SHPRH: variants seen among roughly 807,000 people sequenced by gnomAD.
The protein encoded by SHPRH is E3 ubiquitin-protein ligase SHPRH.
A neutral mutation model predicts 202.5 loss-of-function variants in SHPRH; 106 were observed. The observed-to-expected ratio is 0.52, with a 90% CI of 0.45 to 0.62. SHPRH has a LOEUF of 0.62. Ranked by LOEUF, SHPRH falls within the 20% of genes least tolerant of loss-of-function variation. The probability of loss-of-function intolerance (pLI) is 0.00; values close to 1 mark genes in which losing one functional copy is unlikely to be tolerated. For synonymous variants in SHPRH, 729 were observed against 686.0 expected, an observed-to-expected ratio of 1.06 and a Z score of -0.98; for missense variants, 1,710 against 2,020.0, an observed-to-expected ratio of 0.85 and a Z score of 2.94.
chr6:145,919,339 G>A lies in SHPRH; in HGVS notation c.4152+9C>T. 6.2e-7 allele frequency: 1 copy of A among 1,611,828 alleles called. No homozygotes were observed. Among genetic ancestry groups the A allele is most frequent in the Non-Finnish European group, 8.5e-7 (1 of 1,178,790 alleles). ...CTGTTCCCTTTTCTGTGATTTACTTGCCAATTACCTCATGTGGTTCAATGA... is the reference window on the plus strand; with the variant it reads ...CTGTTCCCTTTTCTGTGATTTACTTACCAATTACCTCATGTGGTTCAATGA... On this transcript the variant is annotated intron_variant, in intron 22 of 29. Coordinates refer to ENST00000275233, the MANE Select transcript of SHPRH (RefSeq NM_001042683.3).
At chr6:145,882,043 C>T (rs1278908323), downstream of SHPRH, among the ~76,000 whole-genome samples, 1 of 150,288 alleles carries the variant, frequency 6.7e-6, no homozygotes, top group Non-Finnish European at 1.5e-5. Flanking sequence ...CTGCAGTGAG[C>T]GGTCATGGCA....
intron 11 of SHPRH, among the ~76,000 whole-genome samples, chr6:145,938,278 T>C (rs1786338560): frequency 6.6e-6 from 1 of 152,150 alleles, no homozygotes; most frequent in Admixed American, 6.6e-5. Flanking sequence ...TGCTTCTCTC[T>C]ATCTCATGTA....
intron 2 of SHPRH, among the ~76,000 whole-genome samples, chr6:145,871,705 T>G (rs1007931808): frequency 1.3e-5 from 2 of 152,112 alleles, no homozygotes; most frequent in African/African-American, 2.4e-5. Flanking sequence ...ATTTTGAAAT[T>G]TATATGGAAC....
intron 5 of SHPRH, 147 bp from the exon 6 acceptor site, chr6:145,947,790 T>G: frequency 9.1e-7 from 1 of 1,092,930 alleles, no homozygotes; most frequent in Non-Finnish European, 1.3e-6. Context: ...AATTCAAACC[T>G]TAGATTACAA....
rs1780995154 is a variant in SHPRH, at chr6:145,886,223, C to T, written c.*468G>A. The T allele has an allele frequency of 4.7e-6, 2 of 426,760 alleles. No homozygotes were observed. The highest frequency in any genetic ancestry group is 4.3e-5 in the South Asian group (1 of 23,404). The allele number at this position is 426,760 out of a possible 1,614,324, so 26.4% of individuals were successfully genotyped here. A position where few individuals can be genotyped will look rare whatever the true frequency, so the allele number is the denominator to read the frequency against. On this transcript the variant is annotated 3_prime_UTR_variant, in exon 30 of 30. Transcript: ENST00000275233. ...ACTCAAAAAATGGGTTAATATAATTCACCATCTACTTAAAATATTACTAAC... is the reference window on the plus strand; with the variant it reads ...ACTCAAAAAATGGGTTAATATAATTTACCATCTACTTAAAATATTACTAAC...
chr6:145,928,279 G>T (rs952720463), intron 14 of SHPRH, among the ~76,000 whole-genome samples: 1 of 151,762 alleles, frequency 6.6e-6, no homozygotes, highest in Admixed American at 6.6e-5. Flanking sequence ...CATTTTTAAT[G>T]GCTTGAATAA....
At chr6:145,947,133 T>A (rs1182903520) in intron 6 of SHPRH, among the ~76,000 whole-genome samples, 2 of 152,066 alleles carry the variant, frequency 1.3e-5, no homozygotes, top group Non-Finnish European at 2.9e-5. Context: ...GAGATTTGTA[T>A]AACATTTTTA....
rs572350841 is a variant in SHPRH at position 145,878,636 on chromosome 6, C to T, written c.221+9384G>A. 2.0e-5 allele frequency among the ~76,000 whole-genome samples: 3 copies of T among 152,258 alleles called. No homozygotes were observed. The East Asian group carries it at 5.8e-4, about 29-fold the overall frequency. ...TTTGTCTTTCTGTTGTTGACTATCA[C>T]TTTTTAAGGTTGAGTTTGCTCCCTG... On this transcript the variant is annotated intron_variant, in intron 2 of 2. Coordinates refer to the SHPRH transcript ENST00000417762.
Position 145,946,242 on chromosome 6 carries a change from G to T in SHPRH, c.1312C>A (p.Gln438Lys), listed in dbSNP as rs761002903. ...GAGATGTCTTACTTACGAGGGCATT[G>T]AACTTTTTCTTTTGGTTCAAATTCG... ...NIEFEPKEKV[Q>K]CPPTRVMILT... The change falls in exon 7 of 30, where the codon CAA becomes AAA. Residue 438 changes from glutamine to lysine, a missense_variant. This residue lies in a region of SHPRH where 348 missense variants were observed against 356.9 expected (regional missense o/e 0.97). Transcript: ENST00000275233. 1 of 1,607,542 alleles carries T rather than the reference G, an allele frequency of 6.2e-7. No homozygotes were observed.
At chr6:145,944,264 C>T (rs1787120157) in intron 8 of SHPRH, among the ~76,000 whole-genome samples, 1 of 152,156 alleles carries the variant, frequency 6.6e-6, no homozygotes, top group South Asian at 2.1e-4. Flanking sequence ...TACATATGTC[C>T]TCTCTTACAA....
At chr6:145,939,768 C>G (rs539050313) in intron 11 of SHPRH, among the ~76,000 whole-genome samples, 13 of 152,088 alleles carry the variant, frequency 8.5e-5, no homozygotes, top group Non-Finnish European at 2.9e-5. Flanking sequence ...TAAATATATA[C>G]TAGAAAATAT....
At chr6:145,926,676 T>A in intron 15 of SHPRH, among the ~76,000 whole-genome samples, 1 of 151,946 alleles carries the variant, frequency 6.6e-6, no homozygotes, top group East Asian at 1.9e-4. Flanking sequence ...TTGCCAAAAT[T>A]AATAAACCCA....
chr6:145,935,623 T>C (rs2128768882), intron 11 of SHPRH, 182 bp from the exon 12 acceptor site: 2 of 616,808 alleles, frequency 3.2e-6, no homozygotes, highest in East Asian at 5.6e-5. Flanking sequence ...GCATCTATTC[T>C]GCCCTAGGTT....
intron 2 of SHPRH, among the ~76,000 whole-genome samples, chr6:145,878,258 A>ACAGTTGTACATTTGTG (rs1780394338): frequency 6.6e-6 from 1 of 152,100 alleles, no homozygotes; most frequent in Admixed American, 6.5e-5. Context: ...TCCTACTATC[A>ACAGTTGTACATTTGTG]ATATCCCACA....
At chr6:145,910,881 T>G (rs1442106422) in intron 24 of SHPRH, among the ~76,000 whole-genome samples, 1 of 152,148 alleles carries the variant, frequency 6.6e-6, no homozygotes, top group Non-Finnish European at 1.5e-5. Flanking sequence ...AAAGGTGGTG[T>G]TCTCATTTCT....
rs117803591 is a variant in SHPRH at position 145,890,290 on chromosome 6, C to T, written c.4875-2190G>A. ...AGTTACCTAACCTCTCTTTGTTATA[C>T]AAATATTTGTTAAATAAGAAATACA... On this transcript the variant is annotated intron_variant, in intron 28 of 29. Transcript: ENST00000275233. 4.2e-3 allele frequency among the ~76,000 whole-genome samples: 635 copies of T among 152,244 alleles called. 17 individuals carry two copies. The East Asian group carries it at 0.071, about 17-fold the overall frequency.
chr6:145,931,626 G>A (rs899177049), intron 14 of SHPRH, among the ~76,000 whole-genome samples: 4 of 152,000 alleles, frequency 2.6e-5, no homozygotes, highest in South Asian at 4.2e-4. Context: ...ACAAGCCACC[G>A]TGCCTGGCCT....
Position 145,922,648 on chromosome 6 carries a change from T to A in SHPRH, c.3719+15A>T. The A allele has an allele frequency of 6.3e-7, 1 of 1,576,708 alleles. No homozygotes were observed. Among genetic ancestry groups the A allele is most frequent in the Non-Finnish European group, 8.6e-7 (1 of 1,166,474 alleles). ...AATGGTACCATTTCATTGTATGATT[T>A]CTTCTATTACCTACCAGTTGAGAGG... is the stretch of plus-strand genomic sequence containing the variant. On this transcript the variant is annotated intron_variant, in intron 19 of 29. Coordinates refer to ENST00000275233, the MANE Select transcript of SHPRH (RefSeq NM_001042683.3).
Position 145,943,159 on chromosome 6 carries a change from G to A in SHPRH, c.2222C>T (p.Ser741Leu), listed in dbSNP as rs1786977159. The stretch of plus-strand genomic sequence containing the variant: ...TGGCCTTACCAAGACTCGAAGAGAT[G>A]ACGACCTCACATGCCTGTTGATCTC... ...VDEINRHVRS[S>L]SLRVLVYQGV... Residue 741 changes from serine (S) to leucine (L), a missense_variant, in exon 9 of 30, where the codon TCA becomes TTA. Ser to Leu is a moderately radical substitution (Grantham distance 145, BLOSUM62 -2). This residue lies in a region of SHPRH where 277 missense variants were observed against 363.0 expected (regional missense o/e 0.76). Coordinates refer to ENST00000275233, the MANE Select transcript of SHPRH (RefSeq NM_001042683.3). The A allele has an allele frequency of 6.3e-7, 1 of 1,598,118 alleles. No individual in the cohort carries two copies. The highest frequency in any genetic ancestry group is 8.5e-7 in the Non-Finnish European group (1 of 1,170,668).
Sources: allele counts gnomAD v4.1 joint callset (sites outside exome capture counted in the v4.1 genomes callset), GRCh38; gene constraint gnomAD v4.1.1; regional missense constraint gnomAD v4.1.1; transcripts MANE v1.5; gene names NCBI Gene and HGNC (gene_info 2026-07-23, HGNC 2026-07-21).